EPHA7: variants seen among roughly 807,000 people sequenced by gnomAD.
The protein encoded by EPHA7 is ephrin type-A receptor 7.
Under a neutral mutation model 112.6 loss-of-function variants are expected in EPHA7, and 25 were observed. That is an observed-to-expected ratio of 0.22 (90% CI 0.16 to 0.31). The LOEUF (loss-of-function observed/expected upper bound fraction) is 0.31, where lower values mean the gene tolerates loss of function less well. Among genes scored for constraint, EPHA7 ranks in the 10% least tolerant of loss-of-function variants. EPHA7 has a pLI of 1.00. For missense variants in EPHA7, 962 were observed against 1,212.6 expected (o/e 0.79, Z 3.07); for synonymous variants, 437 against 406.5 (o/e 1.07, Z -0.90).
At chr6:93,263,559 AATGT>A in intron 9 of EPHA7, among the ~76,000 whole-genome samples, 1 of 151,450 alleles carries the variant, frequency 6.6e-6, no homozygotes, top group East Asian at 1.9e-4. Flanking sequence ...TGCAACCTTT[AATGT>A]ATTATTATTA....
chr6:93,375,266 T>C (rs1008800748), intron 3 of EPHA7, among the ~76,000 whole-genome samples: 2 of 152,066 alleles, frequency 1.3e-5, no homozygotes, highest in Admixed American at 6.6e-5. Flanking sequence ...CATGTTCCAA[T>C]ATGTGTAACT....
At chr6:93,359,159 A>G (rs1417611415) in intron 3 of EPHA7, among the ~76,000 whole-genome samples, 3 of 152,150 alleles carry the variant, frequency 2.0e-5, no homozygotes, top group African/African-American at 4.8e-5. Context: ...AATCACACTA[A>G]CACAGCAACT....
chr6:93,381,218 C>T (rs1031840093), intron 3 of EPHA7, among the ~76,000 whole-genome samples: 2 of 152,090 alleles, frequency 1.3e-5, no homozygotes, highest in Admixed American at 1.3e-4. Context: ...AACACAATTA[C>T]AAATTGAGAA....
At chr6:93,396,759 C>T (rs1297893422) in intron 3 of EPHA7, among the ~76,000 whole-genome samples, 1 of 151,642 alleles carries the variant, frequency 6.6e-6, no homozygotes, top group African/African-American at 2.4e-5. Flanking sequence ...TATATTTGCA[C>T]ATCTGGAACT....
chr6:93,386,182 G>C (rs1418491903), intron 3 of EPHA7, among the ~76,000 whole-genome samples: 1 of 152,112 alleles, frequency 6.6e-6, no homozygotes, highest in Non-Finnish European at 1.5e-5. Flanking sequence ...ACTCATTCCA[G>C]CTTTAACCCA....
At chr6:93,270,709 C>G (rs1771174078) in intron 6 of EPHA7, among the ~76,000 whole-genome samples, 1 of 151,616 alleles carries the variant, frequency 6.6e-6, no homozygotes, top group Admixed American at 6.6e-5. Flanking sequence ...TATACTTAAG[C>G]TTGATTCACT....
At chr6:93,289,854 A>G (rs1389789512) in intron 5 of EPHA7, among the ~76,000 whole-genome samples, 1 of 152,160 alleles carries the variant, frequency 6.6e-6, no homozygotes, top group East Asian at 1.9e-4. Context: ...GATAGTGTCA[A>G]TTCCCTGAAT....
At chr6:93,297,974 A>G (rs562626969) in intron 5 of EPHA7, among the ~76,000 whole-genome samples, 61 of 152,320 alleles carry the variant, frequency 4.0e-4, no homozygotes, top group African/African-American at 1.4e-3. Flanking sequence ...CCCTCAGTGC[A>G]GCAAACTTTA....
intron 16 of EPHA7, 45 bp downstream of exon 16, chr6:93,245,253 G>T: frequency 6.5e-7 from 1 of 1,543,038 alleles, no homozygotes; most frequent in East Asian, 2.3e-5. Context: ...AGTGTAGATT[G>T]TACCTAATAA....
At chr6:93,358,589 A>G (rs983878096) in intron 3 of EPHA7, among the ~76,000 whole-genome samples, 178 bp from the exon 4 acceptor site, 3 of 152,350 alleles carry the variant, frequency 2.0e-5, no homozygotes, top group Middle Eastern at 6.8e-3. Flanking sequence ...AGTTCATCTT[A>G]AAACAAAATA....
intron 5 of EPHA7, among the ~76,000 whole-genome samples, chr6:93,298,096 A>G (rs1772767615): frequency 6.6e-6 from 1 of 152,152 alleles, no homozygotes; most frequent in South Asian, 2.1e-4. Context: ...GCCACAAAAT[A>G]AATAATAAAG....
intron 9 of EPHA7, chr6:93,260,796 AAAC>A (rs1226259549): frequency 5.3e-6 from 5 of 950,270 alleles, no homozygotes; most frequent in African/African-American, 1.8e-5. Context: ...ATGAAAAAAA[AAAC>A]AACACGAGAA....
chr6:93,368,003 G>A (rs192500053), intron 3 of EPHA7, among the ~76,000 whole-genome samples: 45 of 152,000 alleles, frequency 3.0e-4, no homozygotes, highest in African/African-American at 9.4e-4. Flanking sequence ...TTCATTCCTC[G>A]ACCAAATTAT....
chr6:93,397,139 G>A (rs1778218581), intron 3 of EPHA7, among the ~76,000 whole-genome samples: 1 of 151,428 alleles, frequency 6.6e-6, no homozygotes, highest in African/African-American at 2.4e-5. Flanking sequence ...TACTTACTAA[G>A]GTGGAGAAGC....
chr6:93,326,010 G>C (rs1774300788), intron 5 of EPHA7, among the ~76,000 whole-genome samples: 1 of 151,334 alleles, frequency 6.6e-6, no homozygotes, highest in Non-Finnish European at 1.5e-5. Context: ...CTAACAAAGA[G>C]TCAAGAATAA....
intron 1 of EPHA7, among the ~76,000 whole-genome samples, chr6:93,416,879 C>T (rs1779259514): frequency 1.3e-5 from 2 of 152,046 alleles, no homozygotes; most frequent in African/African-American, 4.8e-5. Context: ...TGGGGCGGGG[C>T]CGTCGGAGGG....
chr6:93,385,351 C>G (rs1173985676), intron 3 of EPHA7, among the ~76,000 whole-genome samples: 2 of 152,074 alleles, frequency 1.3e-5, no homozygotes, highest in Non-Finnish European at 2.9e-5. Flanking sequence ...TAATCCACCT[C>G]TATGTCATCT....
In EPHA7 at chr6:93,241,811, ATGTG is replaced by A. The variant is rs955936016; in HGVS notation, c.*1611_*1614del. On this transcript the variant is annotated 3_prime_UTR_variant, in exon 17 of 17. Transcript: ENST00000369303. ...TGTATTCAGAGCCCACTACAGAGAA[ATGTG>A]TGTACAAAACAAGACAGTATAAATA... is the stretch of plus-strand genomic sequence containing the variant. The A allele has an allele frequency of 4.3e-4, 95 of 219,490 alleles. No individual in the cohort carries two copies. The highest frequency in any genetic ancestry group is 2.0e-3 in the African/African-American group (91 of 44,672). The allele number at this position is 219,490 out of a possible 1,614,324, so 13.6% of individuals were successfully genotyped here.
At chr6:93,266,842 G>C (rs1490922479) in intron 7 of EPHA7, among the ~76,000 whole-genome samples, 1 of 151,660 alleles carries the variant, frequency 6.6e-6, no homozygotes, top group African/African-American at 2.4e-5. Flanking sequence ...TAAAGATCAT[G>C]AACTGTGTGT....
Sources: gnomAD v4.1 joint callset for allele counts (sites outside exome capture counted in the v4.1 genomes callset) on GRCh38, gnomAD v4.1.1 for gene constraint, MANE v1.5 for transcripts, NCBI Gene and HGNC (gene_info 2026-07-23, HGNC 2026-07-21) for gene names.